Variants in SYNJ2 observed in about 807,000 individuals in gnomAD.
The protein encoded by SYNJ2 is polyphosphatidylinositol phosphatase SYNJ2.
A neutral mutation model predicts 141.3 loss-of-function variants in SYNJ2; 116 were observed. The observed-to-expected ratio is 0.82, with a 90% CI of 0.71 to 0.96. The LOEUF is 0.96. Ranked by LOEUF, SYNJ2 falls within the 40% of genes least tolerant of loss-of-function variation. SYNJ2 has a pLI of 0.00. For missense variants in SYNJ2, 1,873 were observed against 1,934.8 expected, an observed-to-expected ratio of 0.97 and a Z score of 0.60; for synonymous variants, 745 against 777.7, an observed-to-expected ratio of 0.96 and a Z score of 0.70.
rs745326416 is a variant in SYNJ2, at chr6:158,069,552, T to C, written c.1819T>C (p.Trp607Arg). 2 of 1,613,446 alleles carry C rather than the reference T, an allele frequency of 1.2e-6. No individual in the cohort carries two copies. Among genetic ancestry groups the C allele is most frequent in the Admixed American group, 3.3e-5 (2 of 59,936 alleles). Residue 607 changes from tryptophan (W) to arginine (R), a missense_variant, in exon 14 of 27, where the codon TGG (tryptophan) becomes CGG (arginine). Transcript: ENST00000355585. ...TTCCAGTACTACCAACAAGAAGATG[T>C]GGGGTGAACAGCTTCAGAAAGCCAT... is the stretch of plus-strand genomic sequence containing the variant. ...VNASTTNKKMWGEQLQKAISR... is the reference protein window; with the variant it reads ...VNASTTNKKMRGEQLQKAISR...
intron 6 of SYNJ2, 47 bp from the exon 7 acceptor site, chr6:158,059,210 C>CA: frequency 6.7e-7 from 1 of 1,494,176 alleles, no homozygotes; most frequent in Non-Finnish European, 8.9e-7. Context: ...GCAGAGTCTG[C>CA]ACCTGTGCCC....
At chr6:158,011,612 A>G (rs1351535362) in intron 1 of SYNJ2, among the ~76,000 whole-genome samples, 1 of 152,152 alleles carries the variant, frequency 6.6e-6, no homozygotes, top group Non-Finnish European at 1.5e-5. Context: ...TAATTTTCCC[A>G]GTGGCCGGGA....
intron 1 of SYNJ2, among the ~76,000 whole-genome samples, chr6:157,989,672 G>C (rs564298102): frequency 2.6e-5 from 4 of 151,994 alleles, no homozygotes; most frequent in South Asian, 2.1e-4. Context: ...CCTCCACACG[G>C]ATGTCCCCAG....
chr6:158,015,781 A>T (rs984142503), intron 1 of SYNJ2, among the ~76,000 whole-genome samples: 3 of 152,212 alleles, frequency 2.0e-5, no homozygotes, highest in Non-Finnish European at 4.4e-5. Context: ...AACATTTTTT[A>T]AAAATTTTGA....
intron 2 of SYNJ2, among the ~76,000 whole-genome samples, chr6:158,018,838 G>A (rs1197436186): frequency 2.0e-5 from 3 of 152,330 alleles, no homozygotes; most frequent in East Asian, 1.9e-4. Context: ...GCCTCCAAAC[G>A]CTTGCTTTTT....
chr6:158,043,160 G>A lies in SYNJ2; in HGVS notation c.712-156G>A, dbSNP rs545570976. 7.9e-5 allele frequency among the ~76,000 whole-genome samples: 12 copies of A among 152,324 alleles called. No individual in the cohort carries two copies. The South Asian group carries it at 1.5e-3, about 18-fold the overall frequency. On this transcript the variant is annotated intron_variant, in intron 4 of 26. Coordinates refer to ENST00000355585, the MANE Select transcript of SYNJ2 (RefSeq NM_003898.4). The surrounding 1 kb of genome is among the most constrained non-coding windows in gnomAD (Gnocchi z 4.0). ...CCAGTACCTGGCGAGAGGTCAGGGC[G>A]CATTGCCGGATGGGGGAGCAGAGGA...
At chr6:158,052,993 T>C (rs1364514977) in intron 5 of SYNJ2, among the ~76,000 whole-genome samples, 1 of 152,244 alleles carries the variant, frequency 6.6e-6, no homozygotes, top group Non-Finnish European at 1.5e-5. Context: ...CTCTAGTCTT[T>C]AATCTGCATC....
chr6:157,997,618 C>T (rs1777684792), intron 1 of SYNJ2, among the ~76,000 whole-genome samples: 1 of 152,004 alleles, frequency 6.6e-6, no homozygotes, highest in Admixed American at 6.5e-5. Flanking sequence ...GCTGTTGTTT[C>T]AAGCCCCCCG....
At chr6:158,051,401 C>T (rs972427349) in intron 5 of SYNJ2, among the ~76,000 whole-genome samples, 1 of 151,996 alleles carries the variant, frequency 6.6e-6, no homozygotes, top group African/African-American at 2.4e-5. Context: ...GAGCAGGCCT[C>T]TCGGTAGTGC....
chr6:158,029,711 C>T (rs1200943287), intron 3 of SYNJ2, among the ~76,000 whole-genome samples: 1 of 152,148 alleles, frequency 6.6e-6, no homozygotes, highest in African/African-American at 2.4e-5. Flanking sequence ...TCATGGTTAC[C>T]TCCAGTGTGC....
chr6:158,090,207 C>A (rs894485347), intron 25 of SYNJ2, among the ~76,000 whole-genome samples: 13 of 152,118 alleles, frequency 8.5e-5, no homozygotes, highest in South Asian at 2.1e-4. Flanking sequence ...CCGAAAAAAA[C>A]CAAAATGAGT....
intron 1 of SYNJ2, among the ~76,000 whole-genome samples, chr6:157,989,928 T>G (rs921957566): frequency 2.0e-5 from 3 of 152,112 alleles, no homozygotes; most frequent in African/African-American, 7.2e-5. Flanking sequence ...TAGGAGGCTC[T>G]GCCAAGTTGG....
At chr6:157,985,722 GGCC>G (rs1198212549) in intron 1 of SYNJ2, among the ~76,000 whole-genome samples, 2 of 152,196 alleles carry the variant, frequency 1.3e-5, no homozygotes, top group African/African-American at 4.8e-5. Flanking sequence ...CAGGAACGGT[GGCC>G]TGAGGGTGTC....
At chr6:158,053,685 TCATCCATC>T (rs1308805017) in intron 5 of SYNJ2, among the ~76,000 whole-genome samples, 2 of 150,100 alleles carry the variant, frequency 1.3e-5, no homozygotes, top group African/African-American at 4.9e-5. Context: ...ATCCAGCCAG[TCATCCATC>T]CATCCATCCA....
At chr6:158,012,711 T>G (rs916184460) in intron 1 of SYNJ2, among the ~76,000 whole-genome samples, 5 of 152,202 alleles carry the variant, frequency 3.3e-5, no homozygotes, top group African/African-American at 9.7e-5. Flanking sequence ...TATGCTATTT[T>G]GCCACCATTC....
intron 5 of SYNJ2, among the ~76,000 whole-genome samples, chr6:158,051,959 GAAAAA>G (rs112721746): frequency 1.9e-4 from 26 of 134,628 alleles, no homozygotes; most frequent in Admixed American, 6.6e-4. Flanking sequence ...CTGTCTCAAA[GAAAAA>G]AAAAAGAAGA....
intron 4 of SYNJ2, among the ~76,000 whole-genome samples, chr6:158,038,257 G>T (rs1169273539): frequency 6.6e-6 from 1 of 152,098 alleles, no homozygotes; most frequent in Non-Finnish European, 1.5e-5. Flanking sequence ...CGTCCTCTGG[G>T]CTCTGGGCTA....
chr6:157,984,806 C>T (rs911645651), intron 1 of SYNJ2, among the ~76,000 whole-genome samples: 8 of 152,232 alleles, frequency 5.3e-5, no homozygotes, highest in Admixed American at 3.9e-4. Context: ...TGACCTTTCA[C>T]CCTTTCCTTG....
At chr6:158,056,139 G>A (rs1031759462) in intron 6 of SYNJ2, among the ~76,000 whole-genome samples, 2 of 152,208 alleles carry the variant, frequency 1.3e-5, no homozygotes, top group African/African-American at 4.8e-5. Context: ...AAAACAAGAG[G>A]GAAGGGTCAT....
Sources: allele counts gnomAD v4.1 joint callset (sites outside exome capture counted in the v4.1 genomes callset), GRCh38; gene constraint gnomAD v4.1.1; non-coding constraint Gnocchi (gnomAD v3.1); transcripts MANE v1.5; gene names NCBI Gene and HGNC (gene_info 2026-07-23, HGNC 2026-07-21).